Variants in ZNF573 observed in about 807,000 individuals in gnomAD.
ZNF573 encodes the protein zinc finger protein 573.
Under a neutral mutation model 57.4 loss-of-function variants are expected in ZNF573, and 41 were observed. That is an observed-to-expected ratio of 0.71 (90% CI 0.56 to 0.93). The LOEUF (loss-of-function observed/expected upper bound fraction) is 0.93. Among genes scored for constraint, ZNF573 ranks in the 40% least tolerant of loss-of-function variants. ZNF573 has a pLI of 0.00. For synonymous variants in ZNF573, 249 were observed against 261.0 expected, an observed-to-expected ratio of 0.95 and a Z score of 0.44; for missense variants, 730 against 794.8, an observed-to-expected ratio of 0.92 and a Z score of 0.98.
At chr19:37,769,745 A>G (rs1037439803) in intron 4 of ZNF573, among the ~76,000 whole-genome samples, 3 of 151,286 alleles carry the variant, frequency 2.0e-5, no homozygotes, top group Non-Finnish European at 4.4e-5. Context: ...AAAAAAAAAA[A>G]AAAAAGAAAA....
chr19:37,740,076 T>A lies in ZNF573; in HGVS notation c.414A>T (p.Lys138Asn), dbSNP rs565104310. 6.2e-7 allele frequency: 1 copy of A among 1,614,122 alleles called. No individual in the cohort carries two copies. Among genetic ancestry groups the A allele is most frequent in the Non-Finnish European group, 8.5e-7 (1 of 1,179,976 alleles). Residue 138 changes from lysine to asparagine, a missense_variant, in exon 5 of 5, where the codon AAA (lysine) becomes AAT (asparagine). By Grantham distance (94) the Lys-to-Asn change is moderately conservative. Coordinates refer to ENST00000536220, the MANE Select transcript of ZNF573 (RefSeq NM_001172690.2). ...YKREKLYECK[K>N]CQKKFSSGYQ... ...AACCACTACTAAATTTCTTCTGACATTTCTTACATTCATAGAGTTTCTCTC... is the reference window on the plus strand; with the variant it reads ...AACCACTACTAAATTTCTTCTGACAATTCTTACATTCATAGAGTTTCTCTC...
intron 4 of ZNF573, 113 bp downstream of exon 4, chr19:37,769,892 C>T (rs1001480352): frequency 1.3e-5 from 11 of 852,296 alleles, no homozygotes; most frequent in Non-Finnish European, 1.5e-5. Flanking sequence ...TAGGCCTTTG[C>T]TCCACAAGTC....
At chr19:37,753,128 G>C (rs1269359449) in intron 4 of ZNF573, among the ~76,000 whole-genome samples, 1 of 152,098 alleles carries the variant, frequency 6.6e-6, no homozygotes, top group Non-Finnish European at 1.5e-5. Context: ...GGTTGGGGCA[G>C]GGGGTGTGGC....
intron 4 of ZNF573, among the ~76,000 whole-genome samples, chr19:37,753,993 G>A (rs1413696846): frequency 6.6e-6 from 1 of 152,092 alleles, no homozygotes; most frequent in Non-Finnish European, 1.5e-5. Context: ...CAGGCTCTTT[G>A]GTCATTATCA....
chr19:37,768,705 G>A (rs998322490), intron 4 of ZNF573, among the ~76,000 whole-genome samples: 3 of 151,784 alleles, frequency 2.0e-5, no homozygotes, highest in African/African-American at 4.8e-5. Flanking sequence ...TCTCTCAGTC[G>A]CCCAGGCTGG....
intron 4 of ZNF573, among the ~76,000 whole-genome samples, chr19:37,764,902 C>CTTT (rs34049888): frequency 3.8e-5 from 4 of 106,512 alleles, no homozygotes; most frequent in Non-Finnish European, 7.1e-5. Context: ...TGTGCCCGGC[C>CTTT]TTTTTTTTTT....
At chr19:37,770,810 G>A (rs1244692200) in intron 3 of ZNF573, among the ~76,000 whole-genome samples, 4 of 114,162 alleles carry the variant, frequency 3.5e-5, no homozygotes, top group Non-Finnish European at 6.6e-5. Flanking sequence ...CTATCACACA[G>A]TTCTTTCAGG....
At chr19:37,758,096 T>C (rs1360393387) in intron 4 of ZNF573, among the ~76,000 whole-genome samples, 3 of 149,870 alleles carry the variant, frequency 2.0e-5, no homozygotes, top group East Asian at 4.0e-4. Context: ...ATATATCTAA[T>C]GTAAAGGATG....
intron 4 of ZNF573, among the ~76,000 whole-genome samples, chr19:37,762,252 C>T (rs1329273205): frequency 2.6e-5 from 4 of 152,218 alleles, no homozygotes; most frequent in South Asian, 2.1e-4. Context: ...AAGGAAGATG[C>T]TCTGAATTAA....
At chr19:37,740,623 C>G (rs951899917) in intron 4 of ZNF573, 2 of 456,018 alleles carry the variant, frequency 4.4e-6, no homozygotes, top group African/African-American at 4.0e-5. Flanking sequence ...AAATCCCTTT[C>G]CAAGGACTGC....
intron 3 of ZNF573, 49 bp downstream of exon 3, chr19:37,771,510 AAAGGT>A: frequency 6.4e-7 from 1 of 1,571,978 alleles, no homozygotes; most frequent in South Asian, 1.2e-5. Flanking sequence ...CATTGTGTTG[AAAGGT>A]AACATATCAC....
chr19:37,751,738 T>C (rs2045437497), intron 4 of ZNF573, among the ~76,000 whole-genome samples: 1 of 130,104 alleles, frequency 7.7e-6, no homozygotes. Flanking sequence ...ATACTGTATA[T>C]AGTACATAGT....
At chr19:37,750,383 C>T (rs987498837) in intron 4 of ZNF573, among the ~76,000 whole-genome samples, 2 of 152,186 alleles carry the variant, frequency 1.3e-5, no homozygotes, top group Admixed American at 6.5e-5. Flanking sequence ...TGCGCCCAGC[C>T]ATCCAACGTT....
intron 1 of ZNF573, among the ~76,000 whole-genome samples, chr19:37,777,035 G>T (rs1383794554): frequency 6.6e-6 from 1 of 152,170 alleles, no homozygotes; most frequent in African/African-American, 2.4e-5. Context: ...TACACTACTG[G>T]TGGGAACAAA....
chr19:37,770,021 T>C lies in ZNF573; in HGVS notation c.279A>G (p.Glu93=), dbSNP rs1282573684. 2 of 1,551,956 alleles carry C rather than the reference T, an allele frequency of 1.3e-6. No individual in the cohort carries two copies. Among genetic ancestry groups the C allele is most frequent in the South Asian group, 1.2e-5 (1 of 84,052 alleles). The change falls in exon 4 of 5, where the codon GAA becomes GAG. Residue 93 remains glutamate, a synonymous_variant. Transcript: ENST00000536220. ...CTTCCTTACCTGTGAACTGTGTTTCTTCCCTCAAAATCATCCAGGGCTCTT... is the reference window on the plus strand; with the variant it reads ...CTTCCTTACCTGTGAACTGTGTTTCCTCCCTCAAAATCATCCAGGGCTCTT... The part of the protein sequence containing the change: ...RGKEPWMILR[E]ETQFTDLDLQ...
chr19:37,744,063 A>G (rs907024457), intron 4 of ZNF573, among the ~76,000 whole-genome samples: 2 of 151,784 alleles, frequency 1.3e-5, no homozygotes, highest in Non-Finnish European at 2.9e-5. Flanking sequence ...ACGTATACCT[A>G]TGTAACAAAC....
At chr19:37,748,300 G>A (rs1404726418) in intron 4 of ZNF573, among the ~76,000 whole-genome samples, 1 of 152,120 alleles carries the variant, frequency 6.6e-6, no homozygotes, top group East Asian at 1.9e-4. Context: ...TAACAATGGT[G>A]GAAAGTGGGA....
Position 37,751,680 on chromosome 19 carries a change from GTACATAGTACCGTATATATACTGTA to G in ZNF573, c.296-11511_296-11487del, listed in dbSNP as rs1368684063. On this transcript the variant is annotated intron_variant, in intron 4 of 4. Transcript: ENST00000536220. ...ATAGACAGCATATATACTGTATATA[GTACATAGTACCGTATATATACTGTA>G]TATAGTACATAGTACCGTATATATA... Among the ~76,000 whole-genome samples, 61 of 143,680 alleles carry G rather than the reference GTACATAGTACCGTATATATACTGTA, an allele frequency of 4.2e-4. 1 individual carries two copies. The highest frequency in any genetic ancestry group is 1.2e-3 in the African/African-American group (47 of 39,204). The allele number at this position is 143,680 out of a possible 152,430, so 94.3% of individuals were successfully genotyped here.
intron 1 of ZNF573, among the ~76,000 whole-genome samples, chr19:37,774,712 AAGAC>A (rs2045691955): frequency 6.6e-6 from 1 of 152,254 alleles, no homozygotes; most frequent in Admixed American, 6.5e-5. Context: ...GATCGTTAAA[AAGAC>A]AGACAAGCAT....
Sources: allele counts gnomAD v4.1 joint callset (sites outside exome capture counted in the v4.1 genomes callset), GRCh38; gene constraint gnomAD v4.1.1; transcripts MANE v1.5; gene names NCBI Gene and HGNC (gene_info 2026-07-23, HGNC 2026-07-21).